The following NEK11 variants were observed in gnomAD, a reference collection of about 807,000 sequenced individuals.
NEK11 encodes NIMA related kinase 11.
A neutral mutation model predicts 80.7 loss-of-function variants in NEK11; 72 were observed. The ratio of observed to expected loss-of-function variants is 0.89; its 90% CI spans 0.74 to 1.08. The LOEUF is 1.08. NEK11 is among the 50% of genes least tolerant of loss of function. The probability of loss-of-function intolerance (pLI) is 0.00; values close to 1 mark genes in which losing one functional copy is unlikely to be tolerated. For synonymous variants in NEK11, 251 were observed against 260.7 expected, an observed-to-expected ratio of 0.96 and a Z score of 0.36; for missense variants, 764 against 763.6, an observed-to-expected ratio of 1.00 and a Z score of -0.01.
At chr3:131,266,490 T>A (rs1042307721) in intron 16 of NEK11, among the ~76,000 whole-genome samples, 13 of 152,344 alleles carry the variant, frequency 8.5e-5, no homozygotes, top group Admixed American at 8.5e-4. Context: ...GAGCAGCTTG[T>A]TCAGTTTCCA....
At chr3:131,076,309 T>C (rs2074344566) in intron 3 of NEK11, among the ~76,000 whole-genome samples, 1 of 152,202 alleles carries the variant, frequency 6.6e-6, no homozygotes, top group Non-Finnish European at 1.5e-5. Flanking sequence ...TATTAAGAAA[T>C]ACATGTAGCA....
chr3:131,180,871 G>A (rs570138697), intron 14 of NEK11, among the ~76,000 whole-genome samples: 1 of 152,186 alleles, frequency 6.6e-6, no homozygotes, highest in Non-Finnish European at 1.5e-5. Flanking sequence ...TCTATAATAT[G>A]TAAAATTCTA....
chr3:131,198,037 A>AT (rs1491578005), intron 14 of NEK11, among the ~76,000 whole-genome samples: 1 of 152,054 alleles, frequency 6.6e-6, no homozygotes, highest in Non-Finnish European at 1.5e-5. Flanking sequence ...CTTTCTCTCC[A>AT]TATTGCTGCA....
At chr3:131,221,786 G>A (rs548928883) in intron 14 of NEK11, among the ~76,000 whole-genome samples, 71 of 152,140 alleles carry the variant, frequency 4.7e-4, no homozygotes, top group Non-Finnish European at 8.8e-4. Flanking sequence ...TTTTCTCCTC[G>A]AAGGTTCTAT....
At chr3:131,333,466 A>C (rs1381016217) in intron 17 of NEK11, among the ~76,000 whole-genome samples, 2 of 152,172 alleles carry the variant, frequency 1.3e-5, no homozygotes, top group African/African-American at 2.4e-5. Flanking sequence ...TCCTGAAGGA[A>C]GCACTAAACA....
At chr3:131,160,084 T>C (rs1449593550) in intron 10 of NEK11, among the ~76,000 whole-genome samples, 1 of 152,192 alleles carries the variant, frequency 6.6e-6, no homozygotes, top group Non-Finnish European at 1.5e-5. Context: ...AGAGCCTCAG[T>C]AAGATACTTC....
At chr3:131,132,858 T>C in intron 6 of NEK11, 49 bp downstream of exon 6, 1 of 804,092 alleles carries the variant, frequency 1.2e-6, no homozygotes, top group Non-Finnish European at 2.0e-6. Context: ...CAGTATATTC[T>C]AGATATTATC....
intron 3 of NEK11, chr3:131,054,591 C>A (rs1479335610): frequency 6.7e-6 from 1 of 150,302 alleles, no homozygotes; most frequent in Non-Finnish European, 1.5e-5. Context: ...CCTGTCTTTA[C>A]GAAAAAAATA....
intron 14 of NEK11, among the ~76,000 whole-genome samples, chr3:131,196,560 G>A (rs2094017514): frequency 6.6e-6 from 1 of 151,188 alleles, no homozygotes; most frequent in Non-Finnish European, 1.5e-5. Flanking sequence ...TTGAGACAGT[G>A]TCTCACTCTG....
At chr3:131,165,176 A>G (rs1044917665) in intron 11 of NEK11, 2 of 404,948 alleles carry the variant, frequency 4.9e-6, no homozygotes, top group Admixed American at 4.0e-5. Context: ...AGAGAGGAGC[A>G]CTGCCTTCTC....
At chr3:131,142,663 T>C (rs1268841178) in intron 7 of NEK11, among the ~76,000 whole-genome samples, 3 of 152,234 alleles carry the variant, frequency 2.0e-5, no homozygotes, top group Non-Finnish European at 4.4e-5. Context: ...TCCTAAGCTG[T>C]ATGGTTTGCA....
intron 3 of NEK11, among the ~76,000 whole-genome samples, chr3:131,065,814 C>T (rs2071820798): frequency 6.6e-6 from 1 of 152,120 alleles, no homozygotes; most frequent in Non-Finnish European, 1.5e-5. Context: ...TTCCCTTATG[C>T]CTATTGATTA....
At chr3:131,311,321 C>T (rs1182346955) in intron 17 of NEK11, among the ~76,000 whole-genome samples, 2 of 152,112 alleles carry the variant, frequency 1.3e-5, no homozygotes, top group African/African-American at 4.8e-5. Flanking sequence ...TAACTATAGT[C>T]ACCCTACTCT....
intron 3 of NEK11, among the ~76,000 whole-genome samples, chr3:131,040,369 G>A (rs2066293724): frequency 6.6e-6 from 1 of 151,946 alleles, no homozygotes; most frequent in Non-Finnish European, 1.5e-5. Flanking sequence ...GTGTGGGGGT[G>A]ATGGATATGC....
intron 15 of NEK11, among the ~76,000 whole-genome samples, chr3:131,236,677 C>G (rs2095436747): frequency 6.6e-6 from 1 of 152,160 alleles, no homozygotes; most frequent in Non-Finnish European, 1.5e-5. Context: ...TTGAGTTTTG[C>G]AGATGTGGCT....
chr3:131,217,000 A>G (rs1345483071), intron 14 of NEK11, among the ~76,000 whole-genome samples: 4 of 152,286 alleles, frequency 2.6e-5, no homozygotes, highest in South Asian at 2.1e-4. Context: ...GAAAGGAACA[A>G]TTGTGGGTCT....
chr3:131,100,519 G>A (rs934750464), intron 4 of NEK11, among the ~76,000 whole-genome samples: 1 of 152,142 alleles, frequency 6.6e-6, no homozygotes, highest in Non-Finnish European at 1.5e-5. Context: ...GCAATGAGCT[G>A]AGATCATGCC....
At position 131,152,640 on chromosome 3, in the gene NEK11, C is replaced by T. The variant is rs781232737; in HGVS notation, c.807C>T (p.Asn269=). The change falls in exon 9 of 18, where the codon AAC becomes AAT. Residue 269 remains asparagine, a synonymous_variant. Coordinates refer to ENST00000383366, the MANE Select transcript of NEK11 (RefSeq NM_024800.5). ...ELNAIMESML[N]KNPSLRPSAI... is the part of the protein sequence containing the mutation. ...TGTTTAAACATTACAGCATGTTGAA[C>T]AAGAATCCTTCATTAAGACCATCTG... 11 of 1,613,448 alleles carry T rather than the reference C, an allele frequency of 6.8e-6. No individual in the cohort carries two copies. In the South Asian group the frequency reaches 9.9e-5, roughly 15 times the overall value.
At chr3:131,335,552 T>A (rs575609176) in intron 17 of NEK11, among the ~76,000 whole-genome samples, 35 of 152,298 alleles carry the variant, frequency 2.3e-4, no homozygotes, top group Middle Eastern at 3.4e-3. Context: ...CTTTGAAAAC[T>A]GGCACAAGCC....
Sources: allele counts gnomAD v4.1 joint callset (sites outside exome capture counted in the v4.1 genomes callset), GRCh38; gene constraint gnomAD v4.1.1; transcripts MANE v1.5; gene names NCBI Gene and HGNC (gene_info 2026-07-23, HGNC 2026-07-21).